The following AOPEP variants were observed in gnomAD, a reference collection of about 807,000 sequenced individuals.
AOPEP encodes aminopeptidase O.
A neutral mutation model predicts 98.1 loss-of-function variants in AOPEP; 77 were observed. That is an observed-to-expected ratio of 0.78 (90% confidence interval 0.65 to 0.95). The LOEUF (loss-of-function observed/expected upper bound fraction) is 0.95. Ranked by LOEUF, AOPEP falls within the 40% of genes least tolerant of loss-of-function variation. AOPEP has a pLI of 0.00. For missense variants in AOPEP, 1,024 were observed against 1,024.7 expected (o/e 1.00, Z 0.01); for synonymous variants, 346 against 365.3 (o/e 0.95, Z 0.60).
chr9:95,114,633 G>A, the AOPEP span: 2 of 1,613,680 alleles, frequency 1.2e-6, no homozygotes, highest in East Asian at 4.5e-5. Context: ...GCTCACCCAT[G>A]AGTCTGGTCT....
intron 5 of AOPEP, among the ~76,000 whole-genome samples, chr9:94,864,833 T>G (rs2045526101): frequency 1.3e-5 from 2 of 152,248 alleles, no homozygotes; most frequent in African/African-American, 4.8e-5. Context: ...TAGAGCCAGA[T>G]CTGTCTTTGC....
Position 94,874,751 on chromosome 9 carries a change from C to T in AOPEP, c.1365-49235C>T, listed in dbSNP as rs374905802. Among the ~76,000 whole-genome samples, 23 of 152,208 alleles carry T rather than the reference C, an allele frequency of 1.5e-4. No individual in the cohort carries two copies. In the South Asian group the frequency reaches 2.1e-3, roughly 14 times the overall value. ...TTCCAATTCCCAATAACACATGCTA[C>T]GACTCAAAAACCAGAGACGGAAATC... On this transcript the variant is annotated intron_variant, in intron 5 of 16. Transcript: ENST00000375315.
At chr9:94,978,590 A>G (rs1364342278) in intron 10 of AOPEP, among the ~76,000 whole-genome samples, 1 of 152,200 alleles carries the variant, frequency 6.6e-6, no homozygotes, top group African/African-American at 2.4e-5. Context: ...AGGTCAAGAA[A>G]GGCCTCTCTG....
intron 5 of AOPEP, among the ~76,000 whole-genome samples, chr9:94,878,175 G>GA (rs1011790869): frequency 2.0e-5 from 3 of 151,024 alleles, no homozygotes; most frequent in Admixed American, 6.6e-5. Context: ...AAGATTAGAG[G>GA]AAAAAAGCAA....
intron 5 of AOPEP, chr9:94,904,662 G>A (rs191251064): frequency 6.6e-6 from 1 of 152,252 alleles, no homozygotes; most frequent in East Asian, 1.9e-4. Context: ...CTTCACTTTT[G>A]TGTTTCAAGT....
intron 5 of AOPEP, among the ~76,000 whole-genome samples, chr9:94,837,707 C>T (rs1159719529): frequency 6.6e-6 from 1 of 152,152 alleles, no homozygotes; most frequent in Non-Finnish European, 1.5e-5. Context: ...CAAAATCCAG[C>T]ATTCATTTGT....
At chr9:94,812,393 C>A (rs980839316) in intron 5 of AOPEP, among the ~76,000 whole-genome samples, 1 of 152,132 alleles carries the variant, frequency 6.6e-6, no homozygotes, top group Non-Finnish European at 1.5e-5. Context: ...TCCCCAGAAT[C>A]CGGAAGTCTT....
intron 14 of AOPEP, among the ~76,000 whole-genome samples, chr9:95,067,043 A>C (rs931386086): frequency 1.3e-5 from 2 of 152,290 alleles, no homozygotes; most frequent in East Asian, 3.9e-4. Context: ...AATGCCCTGA[A>C]ATACAGGGCT....
chr9:94,919,601 A>G (rs138120399), intron 5 of AOPEP, among the ~76,000 whole-genome samples: 2 of 152,258 alleles, frequency 1.3e-5, no homozygotes, highest in East Asian at 1.9e-4. Flanking sequence ...GTAAATGTGT[A>G]GGCGAGAGTG....
chr9:95,119,149 A>G, the AOPEP span, among the ~76,000 whole-genome samples: 4 of 152,178 alleles, frequency 2.6e-5, no homozygotes, highest in African/African-American at 9.7e-5. Context: ...CTGATGGCAA[A>G]TGACGCTGAA....
chr9:94,772,443 C>T (rs544498174), intron 2 of AOPEP, among the ~76,000 whole-genome samples: 8 of 152,216 alleles, frequency 5.3e-5, no homozygotes, highest in Non-Finnish European at 8.8e-5. Context: ...TTGTGACCCA[C>T]AGTCCTGTTC....
At chr9:94,835,793 G>A (rs527697815) in intron 5 of AOPEP, among the ~76,000 whole-genome samples, 12 of 152,276 alleles carry the variant, frequency 7.9e-5, no homozygotes, top group African/African-American at 2.4e-4. Context: ...TAGGGCCAAG[G>A]TATTTCTTTA....
At chr9:94,921,144 C>G (rs1426622204) in intron 5 of AOPEP, 1 of 151,890 alleles carries the variant, frequency 6.6e-6, no homozygotes, top group Non-Finnish European at 1.5e-5. Flanking sequence ...CTTCCATTCT[C>G]TGTAATGATG....
intron 13 of AOPEP, chr9:95,021,722 A>G (rs2063474738): frequency 6.6e-6 from 1 of 152,302 alleles, no homozygotes; most frequent in Non-Finnish European, 1.5e-5. Context: ...ACAGTCTCCC[A>G]TCTTAGATTG....
chr9:95,056,583 G>T (rs887805951), intron 13 of AOPEP: 4 of 152,132 alleles, frequency 2.6e-5, no homozygotes, highest in African/African-American at 4.8e-5. Flanking sequence ...AGAGTCAGGG[G>T]TTTTTCTTAG....
chr9:94,915,521 C>G (rs567397111), intron 5 of AOPEP, among the ~76,000 whole-genome samples: 1 of 152,228 alleles, frequency 6.6e-6, no homozygotes, highest in African/African-American at 2.4e-5. Flanking sequence ...CCGCTCTTGC[C>G]TCCACCCCGA....
At chr9:94,979,755 T>TC (rs2060064747) in intron 11 of AOPEP, among the ~76,000 whole-genome samples, 1 of 150,390 alleles carries the variant, frequency 6.6e-6, no homozygotes, top group African/African-American at 2.4e-5. Flanking sequence ...GGGCAGGTGG[T>TC]GGGGGGGCAG....
At chr9:94,781,963 G>A (rs746405394) in intron 3 of AOPEP, among the ~76,000 whole-genome samples, 9 of 151,118 alleles carry the variant, frequency 6.0e-5, no homozygotes, top group Non-Finnish European at 1.0e-4. Flanking sequence ...AGGCCGAGGC[G>A]GGCGGATCAC....
intron 14 of AOPEP, among the ~76,000 whole-genome samples, chr9:95,073,644 G>A (rs2068739049): frequency 6.6e-6 from 1 of 152,112 alleles, no homozygotes; most frequent in African/African-American, 2.4e-5. Flanking sequence ...ACCATTTGAG[G>A]TCAGGAGTTC....
Sources: gnomAD v4.1 joint callset for allele counts (sites outside exome capture counted in the v4.1 genomes callset) on GRCh38, gnomAD v4.1.1 for gene constraint, MANE v1.5 for transcripts, NCBI Gene and HGNC (gene_info 2026-07-23, HGNC 2026-07-21) for gene names.